The following LRMDA variants were observed in gnomAD, a reference collection of about 807,000 sequenced individuals.
LRMDA encodes leucine rich melanocyte differentiation associated.
A neutral mutation model predicts 29.8 loss-of-function variants in LRMDA; 18 were observed. The observed-to-expected ratio is 0.60, with a 90% CI of 0.42 to 0.90. The LOEUF is 0.90. Ranked by LOEUF, LRMDA falls within the 40% of genes least tolerant of loss-of-function variation. The pLI is 0.00. For missense variants in LRMDA, 273 were observed against 273.9 expected (o/e 1.00, Z 0.02); for synonymous variants, 125 against 109.4 (o/e 1.14, Z -0.89).
At chr10:76,217,184 A>T (rs545016968) in intron 5 of LRMDA, among the ~76,000 whole-genome samples, 2 of 152,330 alleles carry the variant, frequency 1.3e-5, no homozygotes, top group East Asian at 1.9e-4. Context: ...ATATGTATGT[A>T]TGTATATGGT....
intron 2 of LRMDA, among the ~76,000 whole-genome samples, chr10:75,477,232 G>A (rs912264703): frequency 2.6e-5 from 4 of 151,924 alleles, no homozygotes; most frequent in Admixed American, 1.3e-4. Context: ...CTCTCGCCTC[G>A]GCCTCCCAAA....
chr10:75,614,652 C>G (rs1444743225), intron 2 of LRMDA, among the ~76,000 whole-genome samples: 2 of 152,168 alleles, frequency 1.3e-5, no homozygotes, highest in East Asian at 3.8e-4. Context: ...ACTTCAGTCC[C>G]TGTGTTTATA....
chr10:76,410,086 G>A (rs147631125), intron 6 of LRMDA, among the ~76,000 whole-genome samples: 1 of 152,146 alleles, frequency 6.6e-6, no homozygotes, highest in Non-Finnish European at 1.5e-5. Flanking sequence ...ATGTATAATG[G>A]GCCAGAGGGC....
At chr10:76,412,857 G>T (rs1390560846) in intron 6 of LRMDA, among the ~76,000 whole-genome samples, 1 of 152,078 alleles carries the variant, frequency 6.6e-6, no homozygotes, top group Non-Finnish European at 1.5e-5. Flanking sequence ...AATGCTAAAA[G>T]AATAATTTAG....
intron 5 of LRMDA, among the ~76,000 whole-genome samples, chr10:76,098,400 T>A (rs562777644): frequency 1.3e-5 from 2 of 152,354 alleles, no homozygotes; most frequent in East Asian, 3.9e-4. Flanking sequence ...ATTATCTATT[T>A]CCTTTTAGGA....
intron 2 of LRMDA, among the ~76,000 whole-genome samples, chr10:75,619,211 A>G (rs1841149356): frequency 6.6e-6 from 1 of 152,162 alleles, no homozygotes; most frequent in South Asian, 2.1e-4. Flanking sequence ...TTGGTGTTTC[A>G]GGGGTGGCAG....
chr10:75,961,725 T>C lies in LRMDA; in HGVS notation c.132-74283T>C, dbSNP rs997368361. 6.6e-5 allele frequency among the ~76,000 whole-genome samples: 10 copies of C among 152,196 alleles called. 1 individual carries two copies. The highest frequency in any genetic ancestry group is 6.5e-4 in the Admixed American group (10 of 15,274). ...GAGTGCTGACTTTAACACTAATGCT[T>C]TCCTCTAAAGTTGCATTAATTTGCT... On this transcript the variant is annotated intron_variant, in intron 2 of 6. Coordinates refer to ENST00000611255, the MANE Select transcript of LRMDA (RefSeq NM_001305581.2).
chr10:76,077,545 G>C (rs952040329), intron 5 of LRMDA, among the ~76,000 whole-genome samples: 23 of 152,014 alleles, frequency 1.5e-4, no homozygotes, highest in African/African-American at 5.3e-4. Flanking sequence ...TCAGGGACAT[G>C]GTCATGCTAG....
At chr10:75,708,396 G>A (rs1842395297) in intron 2 of LRMDA, among the ~76,000 whole-genome samples, 1 of 152,072 alleles carries the variant, frequency 6.6e-6, no homozygotes, top group Admixed American at 6.5e-5. Context: ...GAATTTATGG[G>A]TTTCCTTTAC....
At chr10:76,556,212 G>A (rs1300900929) in intron 6 of LRMDA, among the ~76,000 whole-genome samples, 6 of 152,030 alleles carry the variant, frequency 3.9e-5, no homozygotes, top group East Asian at 1.9e-4. Context: ...AGCCTTATAC[G>A]GAGCCACAGA....
At chr10:76,302,854 C>T (rs551255809) in intron 5 of LRMDA, among the ~76,000 whole-genome samples, 2 of 152,220 alleles carry the variant, frequency 1.3e-5, no homozygotes, top group African/African-American at 4.8e-5. Flanking sequence ...CATGTAATAC[C>T]TTTATAAAAA....
At chr10:76,261,288 G>A (rs558076766) in intron 5 of LRMDA, among the ~76,000 whole-genome samples, 40 of 151,734 alleles carry the variant, frequency 2.6e-4, no homozygotes, top group African/African-American at 3.1e-4. Flanking sequence ...TAGCCAGAAT[G>A]GTCTCCATCT....
chr10:76,086,185 G>A (rs988891669), intron 5 of LRMDA, among the ~76,000 whole-genome samples: 5 of 152,144 alleles, frequency 3.3e-5, no homozygotes, highest in African/African-American at 1.2e-4. Flanking sequence ...TCCTTGCTGG[G>A]GCGCCTGCTA....
At chr10:76,121,331 C>T (rs768556037) in intron 5 of LRMDA, among the ~76,000 whole-genome samples, 3 of 151,904 alleles carry the variant, frequency 2.0e-5, no homozygotes, top group East Asian at 1.9e-4. Context: ...TGGCAGAGGG[C>T]GTTGTTCAGT....
chr10:75,787,521 T>A (rs1486629244), intron 2 of LRMDA, among the ~76,000 whole-genome samples: 2 of 152,214 alleles, frequency 1.3e-5, no homozygotes, highest in East Asian at 3.8e-4. Flanking sequence ...AGGATTTGTG[T>A]GCCAGGCGTG....
chr10:75,754,795 TTCTC>T (rs1383458709), intron 2 of LRMDA, among the ~76,000 whole-genome samples: 1 of 152,154 alleles, frequency 6.6e-6, no homozygotes, highest in African/African-American at 2.4e-5. Context: ...TCTCCCCTCT[TTCTC>T]TCTCGGTCAC....
intron 6 of LRMDA, among the ~76,000 whole-genome samples, chr10:76,426,027 G>A (rs1842122186): frequency 6.6e-6 from 1 of 152,158 alleles, no homozygotes; most frequent in South Asian, 2.1e-4. Flanking sequence ...TTGGTTCCAA[G>A]TCTTTGCTAT....
At chr10:75,840,065 C>T (rs1844512298) in intron 2 of LRMDA, among the ~76,000 whole-genome samples, 1 of 152,192 alleles carries the variant, frequency 6.6e-6, no homozygotes, top group African/African-American at 2.4e-5. Flanking sequence ...GCTGGGTAGA[C>T]ACTTTTTTTC....
At chr10:75,886,067 C>A (rs1478962340) in intron 2 of LRMDA, among the ~76,000 whole-genome samples, 1 of 152,216 alleles carries the variant, frequency 6.6e-6, no homozygotes, top group Non-Finnish European at 1.5e-5. Flanking sequence ...TGGCAATACA[C>A]CTAGTTTTGC....
Sources: allele counts gnomAD v4.1 joint callset (sites outside exome capture counted in the v4.1 genomes callset), GRCh38; gene constraint gnomAD v4.1.1; transcripts MANE v1.5; gene names NCBI Gene and HGNC (gene_info 2026-07-23, HGNC 2026-07-21).